The following CBR4 variants were observed in gnomAD, a reference collection of about 807,000 sequenced individuals.
The protein encoded by CBR4 is 3-oxoacyl-[acyl-carrier-protein] reductase.
Under a neutral mutation model 21.0 loss-of-function variants are expected in CBR4, and 22 were observed. That is an observed-to-expected ratio of 1.05 (90% CI 0.75 to 1.50). The LOEUF is 1.50. Ranked by LOEUF, CBR4 falls within the 40% of genes most tolerant of loss-of-function variation. The pLI, the probability that CBR4 is intolerant of heterozygous loss-of-function variation, is 0.00. For synonymous variants in CBR4, 100 were observed against 104.4 expected, an observed-to-expected ratio of 0.96 and a Z score of 0.26; for missense variants, 302 against 286.3, an observed-to-expected ratio of 1.05 and a Z score of -0.40.
chr4:168,920,730 A>C (rs929871601), intron 2 of CBR4, among the ~76,000 whole-genome samples: 3 of 152,212 alleles, frequency 2.0e-5, no homozygotes, highest in Non-Finnish European at 4.4e-5. Flanking sequence ...CTTTCTGGGT[A>C]ATTTCGTATT....
At chr4:168,907,559 A>G (rs920417813) in intron 2 of CBR4, among the ~76,000 whole-genome samples, 2 of 152,196 alleles carry the variant, frequency 1.3e-5, no homozygotes, top group Non-Finnish European at 2.9e-5. Flanking sequence ...CATCAGCCAC[A>G]CATGAAGCTG....
intron 2 of CBR4, among the ~76,000 whole-genome samples, chr4:168,944,443 A>T (rs1763348532): frequency 6.6e-6 from 1 of 151,924 alleles, no homozygotes; most frequent in Non-Finnish European, 1.5e-5. Flanking sequence ...ACATCACTAC[A>T]CTCCAGCCTG....
At chr4:168,966,039 C>T (rs1170404990) in intron 2 of CBR4, among the ~76,000 whole-genome samples, 23 of 152,054 alleles carry the variant, frequency 1.5e-4, no homozygotes, top group East Asian at 1.9e-4. Flanking sequence ...AGAACTTAAA[C>T]AAATTTAGAA....
At chr4:168,987,471 G>C (rs904499068), downstream of CBR4, 2 of 188,192 alleles carry the variant, frequency 1.1e-5, no homozygotes, top group African/African-American at 4.8e-5. Flanking sequence ...TACTTAATTA[G>C]CTAAATGAAT....
chr4:168,912,822 T>C (rs534773704), intron 2 of CBR4, among the ~76,000 whole-genome samples: 1 of 152,178 alleles, frequency 6.6e-6, no homozygotes, highest in Non-Finnish European at 1.5e-5. Context: ...TTTCCTCCTA[T>C]GTAGCTGTAA....
At chr4:169,001,597 T>C (rs932153387) in intron 4 of CBR4, 1 of 152,318 alleles carries the variant, frequency 6.6e-6, no homozygotes, top group Non-Finnish European at 1.5e-5. Flanking sequence ...ATGAATAGCT[T>C]GGTGCCCTCC....
chr4:169,003,188 G>T (rs977317958), intron 3 of CBR4, among the ~76,000 whole-genome samples: 1 of 152,186 alleles, frequency 6.6e-6, no homozygotes, highest in Admixed American at 6.5e-5. Flanking sequence ...TCTGGGCAAA[G>T]TAAATTAAAA....
chr4:168,935,880 A>C (rs1222456812), intron 2 of CBR4, among the ~76,000 whole-genome samples: 1 of 152,232 alleles, frequency 6.6e-6, no homozygotes, highest in Non-Finnish European at 1.5e-5. Flanking sequence ...TGAAGAGAGC[A>C]GCAGATCTTG....
chr4:168,955,619 G>C (rs982186497), intron 2 of CBR4, among the ~76,000 whole-genome samples: 9 of 152,104 alleles, frequency 5.9e-5, no homozygotes, highest in African/African-American at 1.2e-4. Context: ...AGCAAAGCAG[G>C]ATTACTATGG....
intron 2 of CBR4, among the ~76,000 whole-genome samples, chr4:168,970,254 A>C (rs183396875): frequency 2.5e-4 from 38 of 152,286 alleles, no homozygotes; most frequent in African/African-American, 8.4e-4. Context: ...CAATTTGACC[A>C]AACTTTTCTT....
rs1764831722 is a variant in CBR4 at position 168,989,991 on chromosome 4, A to G, written c.*159T>C. On this transcript the variant is annotated 3_prime_UTR_variant, in exon 5 of 5. Coordinates refer to ENST00000306193, the MANE Select transcript of CBR4 (RefSeq NM_032783.5). ...AAAAAAAAACCACAATTTGTCACACATTGTTCTTTTGAGACATATTTTTAT... is the reference window on the plus strand; with the variant it reads ...AAAAAAAAACCACAATTTGTCACACGTTGTTCTTTTGAGACATATTTTTAT... 5.5e-6 allele frequency: 7 copies of G among 1,267,552 alleles called. No individual in the cohort carries two copies. In the Admixed American group the frequency reaches 1.6e-4, roughly 29 times the overall value. The allele number at this position is 1,267,552 out of a possible 1,614,324, so 78.5% of individuals were successfully genotyped here.
At position 168,995,726 on chromosome 4, in the gene CBR4, C is replaced by T. The variant is rs78807120; in HGVS notation, c.536-5398G>A. Among the ~76,000 whole-genome samples, 1,343 of 152,198 alleles carry T rather than the reference C, an allele frequency of 8.8e-3. 19 individuals are homozygous for T. Among genetic ancestry groups the T allele is most frequent in the African/African-American group, 0.03 (1,262 of 41,522 alleles). ...AAACATTACAAACTACCAGTAGGTG[C>T]CACTGTCCAACAAATAATGCTACTG... On this transcript the variant is annotated intron_variant, in intron 4 of 4. Transcript: ENST00000306193.
intron 2 of CBR4, among the ~76,000 whole-genome samples, chr4:168,921,154 C>T (rs1052053722): frequency 7.9e-5 from 12 of 151,900 alleles, no homozygotes; most frequent in African/African-American, 2.9e-4. Flanking sequence ...GCTTGTAATC[C>T]CAGCACTTTG....
intron 4 of CBR4, among the ~76,000 whole-genome samples, chr4:168,998,378 C>CA (rs1456216283): frequency 6.6e-6 from 1 of 152,100 alleles, no homozygotes; most frequent in African/African-American, 2.4e-5. Flanking sequence ...ACCTTTAAAA[C>CA]AAACATCATT....
intron 4 of CBR4, among the ~76,000 whole-genome samples, chr4:168,994,569 CTGTTT>C (rs936042419): frequency 6.6e-6 from 1 of 151,940 alleles, no homozygotes; most frequent in African/African-American, 2.4e-5. Flanking sequence ...GGTTTCTTTT[CTGTTT>C]TTTCTTTTTT....
At chr4:168,910,096 T>G (rs995005592) in intron 2 of CBR4, among the ~76,000 whole-genome samples, 1 of 152,102 alleles carries the variant, frequency 6.6e-6, no homozygotes, top group African/African-American at 2.4e-5. Flanking sequence ...TTTCTTAAAT[T>G]TGGGAAGTTA....
intron 2 of CBR4, among the ~76,000 whole-genome samples, chr4:168,914,561 C>T (rs539312359): frequency 6.6e-6 from 1 of 152,266 alleles, no homozygotes; most frequent in South Asian, 2.1e-4. Flanking sequence ...CTTTCCATTC[C>T]TAGTAGTTCT....
At chr4:169,005,812 T>C (rs1264260737) in intron 3 of CBR4, 1 of 1,106,750 alleles carries the variant, frequency 9.0e-7, no homozygotes, top group African/African-American at 1.6e-5. Flanking sequence ...CTTTTCTCAC[T>C]TTCAAAACAG....
At chr4:168,925,680 C>T (rs1295699670) in intron 2 of CBR4, among the ~76,000 whole-genome samples, 1 of 151,718 alleles carries the variant, frequency 6.6e-6, no homozygotes, top group East Asian at 1.9e-4. Flanking sequence ...TATCCATTGA[C>T]ATAAAAAAAA....
Sources: gnomAD v4.1 joint callset for allele counts (sites outside exome capture counted in the v4.1 genomes callset) on GRCh38, gnomAD v4.1.1 for gene constraint, MANE v1.5 for transcripts, NCBI Gene and HGNC (gene_info 2026-07-23, HGNC 2026-07-21) for gene names.